GRID1: variants seen among roughly 807,000 people sequenced by gnomAD.
The protein encoded by GRID1 is glutamate receptor ionotropic, delta-1.
GRID1 carries 28 observed loss-of-function variants against 98.0 expected under a neutral mutation model. The observed-to-expected ratio is 0.29, with a 90% CI of 0.21 to 0.39. The LOEUF (loss-of-function observed/expected upper bound fraction) is 0.39. GRID1 is among the 10% of genes least tolerant of loss of function. The pLI, the probability that GRID1 is intolerant of heterozygous loss-of-function variation, is 1.00. For synonymous variants in GRID1, 553 were observed against 538.5 expected, an observed-to-expected ratio of 1.03 and a Z score of -0.37; for missense variants, 1,111 against 1,340.5, an observed-to-expected ratio of 0.83 and a Z score of 2.67.
At chr10:86,293,928 C>T (rs1183951263) in intron 2 of GRID1, among the ~76,000 whole-genome samples, 1 of 152,096 alleles carries the variant, frequency 6.6e-6, no homozygotes, top group Non-Finnish European at 1.5e-5. Flanking sequence ...TAAAAAATAA[C>T]AATAAGATAA....
At chr10:85,751,271 C>T (rs1254731813) in intron 8 of GRID1, among the ~76,000 whole-genome samples, 1 of 152,210 alleles carries the variant, frequency 6.6e-6, no homozygotes, top group Non-Finnish European at 1.5e-5. Flanking sequence ...TGACACAAGT[C>T]ACATGCAAAT....
intron 4 of GRID1, among the ~76,000 whole-genome samples, chr10:86,115,557 C>T (rs1238499975): frequency 6.6e-6 from 1 of 152,152 alleles, no homozygotes; most frequent in Admixed American, 6.5e-5. Flanking sequence ...ATCTCATTAC[C>T]CCCATTTTTC....
At chr10:85,770,017 G>A (rs1842241008) in intron 8 of GRID1, among the ~76,000 whole-genome samples, 1 of 152,218 alleles carries the variant, frequency 6.6e-6, no homozygotes. Flanking sequence ...CGGGCAGACT[G>A]CCTCCTCAAG....
intron 8 of GRID1, among the ~76,000 whole-genome samples, chr10:85,743,799 T>C (rs530517423): frequency 6.6e-6 from 1 of 152,294 alleles, no homozygotes; most frequent in Non-Finnish European, 1.5e-5. Context: ...AAAATCTATT[T>C]AATAAACTGG....
intron 4 of GRID1, among the ~76,000 whole-genome samples, chr10:86,028,566 T>C (rs959173420): frequency 3.9e-5 from 6 of 152,184 alleles, no homozygotes; most frequent in African/African-American, 1.4e-4. Flanking sequence ...ATGTGCAGAT[T>C]CACATGGAAT....
intron 13 of GRID1, among the ~76,000 whole-genome samples, chr10:85,644,407 A>G (rs1843160759): frequency 6.6e-6 from 1 of 152,170 alleles, no homozygotes; most frequent in South Asian, 2.1e-4. Flanking sequence ...CTTGTATTTT[A>G]TCATTGCTTT....
intron 2 of GRID1, among the ~76,000 whole-genome samples, chr10:86,222,950 C>T (rs996640314): frequency 6.6e-6 from 1 of 152,138 alleles, no homozygotes; most frequent in African/African-American, 2.4e-5. Context: ...GCATCCCCCC[C>T]TCCACAGCAA....
rs185790142 is a variant in GRID1, at chr10:86,048,618, C to T, written c.726+90201G>A. On this transcript the variant is annotated intron_variant, in intron 4 of 15. Coordinates refer to ENST00000327946, the MANE Select transcript of GRID1 (RefSeq NM_017551.3). ...CTCATGGCAACACTCCCAGCTGATG[C>T]TAAAGGCCTCTCCCCTCTGGAGCCA... is the stretch of plus-strand genomic sequence containing the variant. Among the ~76,000 whole-genome samples, 20 of 152,292 alleles carry T rather than the reference C, an allele frequency of 1.3e-4. No homozygotes were observed. The East Asian group carries it at 3.7e-3, about 28-fold the overall frequency.
intron 4 of GRID1, among the ~76,000 whole-genome samples, chr10:85,992,626 C>A (rs886480971): frequency 2.0e-5 from 3 of 150,626 alleles, no homozygotes; most frequent in African/African-American, 7.3e-5. Context: ...GGGGGGGGAA[C>A]AAATGGTAAG....
intron 12 of GRID1, among the ~76,000 whole-genome samples, chr10:85,688,948 C>T (rs1841300389): frequency 6.6e-6 from 1 of 152,080 alleles, no homozygotes; most frequent in Non-Finnish European, 1.5e-5. Context: ...ATCCCCTGTC[C>T]TGTACTTAAG....
intron 4 of GRID1, among the ~76,000 whole-genome samples, chr10:86,089,871 C>T (rs1382561770): frequency 6.6e-6 from 1 of 151,994 alleles, no homozygotes; most frequent in Admixed American, 6.5e-5. Flanking sequence ...CTCAGCCTCC[C>T]AAGTAGCTGG....
intron 4 of GRID1, among the ~76,000 whole-genome samples, chr10:86,101,633 C>CTTTTT (rs10596537): frequency 7.3e-6 from 1 of 136,642 alleles, no homozygotes; most frequent in Non-Finnish European, 1.6e-5. Flanking sequence ...TTCATTATTC[C>CTTTTT]TTTTTTTTTT....
intron 2 of GRID1, among the ~76,000 whole-genome samples, chr10:86,286,094 G>A (rs1206217872): frequency 2.6e-5 from 4 of 152,200 alleles, no homozygotes; most frequent in African/African-American, 7.2e-5. Flanking sequence ...TAGGCTGTAG[G>A]TGTAGGTATA....
intron 4 of GRID1, among the ~76,000 whole-genome samples, chr10:86,112,502 C>T (rs1844503435): frequency 6.7e-6 from 1 of 149,028 alleles, no homozygotes. Flanking sequence ...AAATAGGTTC[C>T]AAATGTGCTA....
Position 85,602,190 on chromosome 10 carries a change from T to G in GRID1, c.*83A>C. On this transcript the variant is annotated 3_prime_UTR_variant, in exon 16 of 16. Coordinates refer to ENST00000327946, the MANE Select transcript of GRID1 (RefSeq NM_017551.3). ...GTATGTGTGTGTGTGCGAGTGTGTG[T>G]GGTTTGTGTTGTTGTTTTCTTGTAT... 1.3e-6 allele frequency: 1 copy of G among 744,254 alleles called. No homozygotes were observed. Among genetic ancestry groups the G allele is most frequent in the Non-Finnish European group, 2.2e-6 (1 of 460,672 alleles). The allele number at this position is 744,254 out of a possible 1,614,324, so 46.1% of individuals were successfully genotyped here.
chr10:86,102,018 C>A (rs971066120), intron 4 of GRID1, among the ~76,000 whole-genome samples: 1 of 152,172 alleles, frequency 6.6e-6, no homozygotes, highest in African/African-American at 2.4e-5. Flanking sequence ...AAAGAGCAAA[C>A]CAGGATGATT....
intron 2 of GRID1, among the ~76,000 whole-genome samples, chr10:86,353,051 C>T (rs909599118): frequency 3.5e-4 from 53 of 152,270 alleles, no homozygotes; most frequent in African/African-American, 1.0e-3. Context: ...AGGCCAGGAA[C>T]GTGCCCCAGG....
intron 13 of GRID1, among the ~76,000 whole-genome samples, chr10:85,624,783 A>G (rs1192246093): frequency 6.6e-6 from 1 of 152,218 alleles, no homozygotes; most frequent in Non-Finnish European, 1.5e-5. Flanking sequence ...AAAGCTGCTC[A>G]TGTCTTTCAC....
intron 4 of GRID1, among the ~76,000 whole-genome samples, chr10:86,108,645 C>G (rs1290169449): frequency 6.6e-6 from 1 of 152,234 alleles, no homozygotes; most frequent in Non-Finnish European, 1.5e-5. Context: ...GCACCAGACT[C>G]TGCTCTGCTT....
Sources: gnomAD v4.1 joint callset for allele counts (sites outside exome capture counted in the v4.1 genomes callset) on GRCh38, gnomAD v4.1.1 for gene constraint, MANE v1.5 for transcripts, NCBI Gene and HGNC (gene_info 2026-07-23, HGNC 2026-07-21) for gene names.